CTNNA3: variants seen among roughly 807,000 people sequenced by gnomAD.
CTNNA3 encodes the protein catenin alpha-3.
Under a neutral mutation model 95.7 loss-of-function variants are expected in CTNNA3, and 76 were observed. The ratio of observed to expected loss-of-function variants is 0.79; its 90% CI spans 0.66 to 0.96. The LOEUF (loss-of-function observed/expected upper bound fraction) is 0.96. Ranked by LOEUF, CTNNA3 falls within the 40% of genes least tolerant of loss-of-function variation. The pLI is 0.00. For synonymous variants in CTNNA3, 431 were observed against 374.4 expected (o/e 1.15, Z -1.74); for missense variants, 1,191 against 1,089.8 (o/e 1.09, Z -1.31).
intron 7 of CTNNA3, among the ~76,000 whole-genome samples, chr10:67,042,829 T>C (rs115876384): frequency 0.03 from 4,572 of 152,220 alleles, 245 homozygotes; most frequent in African/African-American, 0.1. Context: ...CGAGAGTTAA[T>C]TTAGTTCCAA....
At chr10:65,988,463 T>C (rs1043967346) in intron 16 of CTNNA3, among the ~76,000 whole-genome samples, 2 of 152,196 alleles carry the variant, frequency 1.3e-5, no homozygotes, top group African/African-American at 4.8e-5. Context: ...GAGCTGATAC[T>C]AGAAATAATT....
intron 13 of CTNNA3, among the ~76,000 whole-genome samples, chr10:66,167,009 G>C (rs1198316554): frequency 3.3e-5 from 5 of 152,236 alleles, no homozygotes; most frequent in African/African-American, 9.6e-5. Context: ...AAGGAAACTG[G>C]AAAGTAAGGC....
intron 7 of CTNNA3, among the ~76,000 whole-genome samples, chr10:66,904,473 T>C (rs1188970631): frequency 1.3e-5 from 2 of 152,048 alleles, no homozygotes; most frequent in African/African-American, 2.4e-5. Context: ...ACTTCATGAC[T>C]AAAACACCAA....
intron 5 of CTNNA3, among the ~76,000 whole-genome samples, chr10:67,372,644 C>T (rs538450303): frequency 0.012 from 1,792 of 152,108 alleles, 36 homozygotes; most frequent in African/African-American, 0.041. Flanking sequence ...AGATACTCCT[C>T]GAGAAGAGCA....
At chr10:66,726,637 T>C (rs1848789897) in intron 9 of CTNNA3, among the ~76,000 whole-genome samples, 1 of 152,050 alleles carries the variant, frequency 6.6e-6, no homozygotes. Flanking sequence ...AAAATTCACC[T>C]CAGAGAAGAG....
intron 11 of CTNNA3, among the ~76,000 whole-genome samples, chr10:66,389,741 G>C (rs1048941003): frequency 1.1e-4 from 17 of 151,044 alleles, no homozygotes; most frequent in African/African-American, 1.7e-4. Context: ...GAGAGAGAGA[G>C]AGAGAGAGAG....
intron 9 of CTNNA3, among the ~76,000 whole-genome samples, chr10:66,715,221 T>A (rs941125566): frequency 6.6e-6 from 1 of 152,066 alleles, no homozygotes; most frequent in Non-Finnish European, 1.5e-5. Context: ...TTTTTATACC[T>A]CCAGCTCTTT....
At chr10:67,030,160 C>CTTATTT (rs1237676795) in intron 7 of CTNNA3, among the ~76,000 whole-genome samples, 1 of 152,050 alleles carries the variant, frequency 6.6e-6, no homozygotes, top group Non-Finnish European at 1.5e-5. Context: ...GCTAAAGCAC[C>CTTATTT]AGTTGGATGG....
At chr10:66,190,250 C>A (rs958205429) in intron 13 of CTNNA3, among the ~76,000 whole-genome samples, 6 of 152,078 alleles carry the variant, frequency 3.9e-5, no homozygotes, top group Admixed American at 3.3e-4. Context: ...ACCATAGAGG[C>A]AGGAATACAA....
intron 7 of CTNNA3, among the ~76,000 whole-genome samples, chr10:66,841,201 G>A (rs1234001730): frequency 6.6e-6 from 1 of 152,066 alleles, no homozygotes; most frequent in African/African-American, 2.4e-5. Context: ...AATGCAAACT[G>A]GTCTTTAAGT....
chr10:67,275,881 T>TTCTTCTTAG (rs1361974961), intron 5 of CTNNA3, among the ~76,000 whole-genome samples: 4 of 152,188 alleles, frequency 2.6e-5, no homozygotes, highest in African/African-American at 9.6e-5. Flanking sequence ...TTTTTTCCAC[T>TTCTTCTTAG]TCTTCTTAGT....
intron 5 of CTNNA3, among the ~76,000 whole-genome samples, chr10:67,452,744 GATAGGCAGGAACACAGATA>G (rs1167677345): frequency 2.0e-5 from 3 of 152,182 alleles, no homozygotes; most frequent in Non-Finnish European, 2.9e-5. Context: ...TGAAGAAAAG[GATAGGCAGGAACACAGATA>G]ATAGTTTCCA....
At chr10:65,961,017 C>G (rs1453187732) in intron 17 of CTNNA3, among the ~76,000 whole-genome samples, 1 of 152,016 alleles carries the variant, frequency 6.6e-6, no homozygotes, top group Non-Finnish European at 1.5e-5. Flanking sequence ...ACATCACATT[C>G]TCTCATTTGC....
intron 6 of CTNNA3, among the ~76,000 whole-genome samples, chr10:67,219,223 T>C (rs1864532994): frequency 6.6e-6 from 1 of 152,232 alleles, no homozygotes; most frequent in Non-Finnish European, 1.5e-5. Flanking sequence ...AATCACCTGC[T>C]AAAATGTAAA....
chr10:66,220,515 G>T (rs2131977985), intron 13 of CTNNA3, among the ~76,000 whole-genome samples: 1 of 152,224 alleles, frequency 6.6e-6, no homozygotes, highest in African/African-American at 2.4e-5. Context: ...GATACAGTGT[G>T]GTCTGTTAGC....
At chr10:66,836,250 G>A (rs933209764) in intron 7 of CTNNA3, among the ~76,000 whole-genome samples, 2 of 152,188 alleles carry the variant, frequency 1.3e-5, no homozygotes, top group African/African-American at 4.8e-5. Flanking sequence ...CATTTCTCTG[G>A]ACTTGATACG....
At chr10:66,343,750 T>G (rs1294120176) in intron 12 of CTNNA3, among the ~76,000 whole-genome samples, 1 of 152,060 alleles carries the variant, frequency 6.6e-6, no homozygotes, top group African/African-American at 2.4e-5. Context: ...AAAGAAACGA[T>G]AAATCTTTGA....
At chr10:67,559,454 A>G (rs1156313689) in intron 3 of CTNNA3, among the ~76,000 whole-genome samples, 3 of 152,196 alleles carry the variant, frequency 2.0e-5, no homozygotes, top group African/African-American at 7.2e-5. Context: ...GAAAAATAAC[A>G]AACAGAAAGG....
At chr10:67,556,695 C>T (rs903840438) in intron 3 of CTNNA3, among the ~76,000 whole-genome samples, 1 of 151,966 alleles carries the variant, frequency 6.6e-6, no homozygotes, top group African/African-American at 2.4e-5. Context: ...TTGATCTTTT[C>T]AAAAAACCAG....
Sources: allele counts gnomAD v4.1 joint callset (sites outside exome capture counted in the v4.1 genomes callset), GRCh38; gene constraint gnomAD v4.1.1; transcripts MANE v1.5; gene names NCBI Gene and HGNC (gene_info 2026-07-23, HGNC 2026-07-21).